Variants in GALNT7 observed in about 807,000 individuals in gnomAD.
GALNT7 encodes the protein polypeptide N-acetylgalactosaminyltransferase 7.
A neutral mutation model predicts 82.1 loss-of-function variants in GALNT7; 60 were observed. That is an observed-to-expected ratio of 0.73 (90% CI 0.59 to 0.91). The LOEUF is 0.91. GALNT7 is among the 40% of genes least tolerant of loss of function. GALNT7 has a pLI of 0.00. For synonymous variants in GALNT7, 243 were observed against 275.1 expected, an observed-to-expected ratio of 0.88 and a Z score of 1.15; for missense variants, 660 against 804.2, an observed-to-expected ratio of 0.82 and a Z score of 2.17.
chr4:173,201,469 A>G (rs188521832), intron 1 of GALNT7, among the ~76,000 whole-genome samples: 98 of 152,336 alleles, frequency 6.4e-4, no homozygotes, highest in Admixed American at 5.2e-3. Context: ...AAAGAAAAAA[A>G]TGTAAGTGCT....
intron 2 of GALNT7, among the ~76,000 whole-genome samples, chr4:173,249,084 T>C (rs1415412407): frequency 6.6e-6 from 1 of 152,204 alleles, no homozygotes; most frequent in East Asian, 1.9e-4. Flanking sequence ...TAACTTTTGA[T>C]GGATAGTGAT....
intron 1 of GALNT7, among the ~76,000 whole-genome samples, chr4:173,204,242 C>T (rs1733025210): frequency 6.6e-6 from 1 of 152,062 alleles, no homozygotes; most frequent in South Asian, 2.1e-4. Context: ...TGCTTCTTTT[C>T]TCCTGCTTTC....
intron 1 of GALNT7, among the ~76,000 whole-genome samples, chr4:173,245,073 T>G (rs1248149406): frequency 1.3e-5 from 2 of 152,078 alleles, no homozygotes; most frequent in African/African-American, 4.8e-5. Flanking sequence ...GGGAAATGGA[T>G]GTAGCAGTGA....
intron 1 of GALNT7, among the ~76,000 whole-genome samples, chr4:173,204,661 T>C (rs749338943): frequency 4.6e-5 from 7 of 152,252 alleles, no homozygotes; most frequent in Non-Finnish European, 1.0e-4. Context: ...TGTTTGAATT[T>C]TAAAAGATAC....
At chr4:173,202,456 GGGA>G (rs2126655589) in intron 1 of GALNT7, among the ~76,000 whole-genome samples, 1 of 152,260 alleles carries the variant, frequency 6.6e-6, no homozygotes, top group African/African-American at 2.4e-5. Flanking sequence ...CACCGAAATG[GGGA>G]GGAGGAGGAG....
chr4:173,235,645 G>A (rs761091829), intron 1 of GALNT7, among the ~76,000 whole-genome samples: 5 of 147,882 alleles, frequency 3.4e-5, no homozygotes, highest in Non-Finnish European at 5.9e-5. Flanking sequence ...ATGCTCCACC[G>A]CCCAGGTTCA....
At chr4:173,247,599 G>A (rs1257435616) in intron 1 of GALNT7, among the ~76,000 whole-genome samples, 4 of 151,950 alleles carry the variant, frequency 2.6e-5, no homozygotes. Flanking sequence ...GGTACAACTG[G>A]GAAAACCACA....
intron 1 of GALNT7, among the ~76,000 whole-genome samples, chr4:173,244,259 C>T (rs1161122475): frequency 6.6e-6 from 1 of 152,160 alleles, no homozygotes; most frequent in African/African-American, 2.4e-5. Context: ...TTTGCTGACC[C>T]CTCTCTCATG....
chr4:173,299,335 T>C lies in GALNT7; in HGVS notation c.1148+1038T>C, dbSNP rs548655582. ...TATTCAGAATAGTCCAGGAATCAACTGCTTACGTGCTTAACTTAACAAATA... is the reference window on the plus strand; with the variant it reads ...TATTCAGAATAGTCCAGGAATCAACCGCTTACGTGCTTAACTTAACAAATA... On this transcript the variant is annotated intron_variant, in intron 6 of 11. Transcript: ENST00000265000. Among the ~76,000 whole-genome samples, 6 of 152,302 alleles carry C rather than the reference T, an allele frequency of 3.9e-5. No homozygotes were observed. The South Asian group carries it at 1.2e-3, about 32-fold the overall frequency.
At chr4:173,267,374 G>A (rs750083163) in intron 2 of GALNT7, among the ~76,000 whole-genome samples, 1 of 152,112 alleles carries the variant, frequency 6.6e-6, no homozygotes, top group Non-Finnish European at 1.5e-5. Flanking sequence ...CACTGAAAGA[G>A]CATTCCATTA....
intron 2 of GALNT7, among the ~76,000 whole-genome samples, chr4:173,275,424 T>C (rs1735868205): frequency 6.6e-6 from 1 of 152,146 alleles, no homozygotes; most frequent in Non-Finnish European, 1.5e-5. Context: ...CCACAGACTA[T>C]GGGAGTGCCA....
intron 1 of GALNT7, among the ~76,000 whole-genome samples, chr4:173,184,864 T>C (rs1043546216): frequency 6.6e-6 from 1 of 152,192 alleles, no homozygotes; most frequent in Non-Finnish European, 1.5e-5. Context: ...CAGCTGTCTA[T>C]GAGCATTGGG....
intron 1 of GALNT7, among the ~76,000 whole-genome samples, chr4:173,237,488 C>A (rs1462813958): frequency 6.6e-6 from 1 of 152,204 alleles, no homozygotes; most frequent in African/African-American, 2.4e-5. Context: ...TCTCTCCCAA[C>A]ACAAATGCCA....
Position 173,321,560 on chromosome 4 carries a change from T to A in GALNT7, c.1837-20T>A. ...ATCAAGGGTCCAAATTTGAAACTTT[T>A]TTCTTACTGTGTTTTCCAGAACCTG... On this transcript the variant is annotated intron_variant, in intron 11 of 11. Transcript: ENST00000265000. 4 of 1,603,114 alleles carry A rather than the reference T, an allele frequency of 2.5e-6. 1 individual carries two copies. Among genetic ancestry groups the A allele is most frequent in the South Asian group, 1.1e-5 (1 of 90,496 alleles).
intron 8 of GALNT7, among the ~76,000 whole-genome samples, chr4:173,307,948 T>C (rs901743853): frequency 3.9e-5 from 6 of 152,220 alleles, no homozygotes; most frequent in African/African-American, 1.4e-4. Flanking sequence ...GTCGTTTACC[T>C]CAGTGGCAAG....
At position 173,244,602 on chromosome 4, in the gene GALNT7, C is replaced by T. The variant is rs190341417; in HGVS notation, c.127-3378C>T. On this transcript the variant is annotated intron_variant, in intron 1 of 11. Transcript: ENST00000265000. Reference sequence around the variant, plus strand: ...CCATCTATAAAATAGACATGGCAATCATAGTACCTAACTCATGGGATTGAA... The same window carrying T: ...CCATCTATAAAATAGACATGGCAATTATAGTACCTAACTCATGGGATTGAA... Among the ~76,000 whole-genome samples the T allele has an allele frequency of 3.9e-4, 59 of 152,206 alleles. 1 individual carries two copies. The highest frequency in any genetic ancestry group is 5.9e-5 in the Non-Finnish European group (4 of 68,010).
At chr4:173,219,231 C>T (rs1489857498) in intron 1 of GALNT7, among the ~76,000 whole-genome samples, 1 of 152,092 alleles carries the variant, frequency 6.6e-6, no homozygotes, top group Non-Finnish European at 1.5e-5. Context: ...TGATGTTTGG[C>T]TTTCCATTCC....
chr4:173,211,668 G>GCA (rs145520448), intron 1 of GALNT7, among the ~76,000 whole-genome samples: 1 of 152,092 alleles, frequency 6.6e-6, no homozygotes, highest in Non-Finnish European at 1.5e-5. Flanking sequence ...GAGCACGTGT[G>GCA]CACACACACA....
intron 1 of GALNT7, among the ~76,000 whole-genome samples, chr4:173,175,776 A>G (rs950765272): frequency 2.0e-5 from 3 of 152,166 alleles, no homozygotes; most frequent in South Asian, 2.1e-4. Flanking sequence ...ACATGGTAAT[A>G]TGAAAGAGAA....
Sources: allele counts gnomAD v4.1 joint callset (sites outside exome capture counted in the v4.1 genomes callset), GRCh38; gene constraint gnomAD v4.1.1; transcripts MANE v1.5; gene names NCBI Gene and HGNC (gene_info 2026-07-23, HGNC 2026-07-21).